The following SPG11 variants were observed in gnomAD, a reference collection of about 807,000 sequenced individuals.
The protein encoded by SPG11 is spatacsin.
A neutral mutation model predicts 274.0 loss-of-function variants in SPG11; 222 were observed. The observed-to-expected ratio is 0.81, with a 90% CI of 0.73 to 0.91. The LOEUF (loss-of-function observed/expected upper bound fraction) is 0.91. Among genes scored for constraint, SPG11 ranks in the 40% least tolerant of loss-of-function variants. The pLI, the probability that SPG11 is intolerant of heterozygous loss-of-function variation, is 0.00. For missense variants in SPG11, 3,114 were observed against 2,872.7 expected, an observed-to-expected ratio of 1.08 and a Z score of -1.92; for synonymous variants, 1,144 against 1,039.7, an observed-to-expected ratio of 1.10 and a Z score of -1.93.
rs537060373 is a variant in SPG11, at chr15:44,641,632, C to A, written c.1602+7234G>T. On this transcript the variant is annotated intron_variant, in intron 7 of 39. Coordinates refer to ENST00000261866, the MANE Select transcript of SPG11 (RefSeq NM_025137.4). ...ACACACACACACACACACACACACA[C>A]AAAACCTTAATCAGGGAAATGCAAA... Among the ~76,000 whole-genome samples, 36 of 146,644 alleles carry A rather than the reference C, an allele frequency of 2.5e-4. No individual in the cohort carries two copies. In the South Asian group the frequency reaches 3.3e-3, roughly 13 times the overall value.
intron 20 of SPG11, among the ~76,000 whole-genome samples, chr15:44,605,491 AAC>A (rs1188338010): frequency 6.6e-6 from 1 of 152,226 alleles, no homozygotes; most frequent in Non-Finnish European, 1.5e-5. Flanking sequence ...AAATAGAAAA[AAC>A]AGTTTAAGAA....
At chr15:44,591,960 C>T (rs1201009300) in intron 27 of SPG11, among the ~76,000 whole-genome samples, 2 of 151,770 alleles carry the variant, frequency 1.3e-5, no homozygotes, top group South Asian at 2.1e-4. Context: ...AAATACAAAA[C>T]GTTAGCTGGG....
At chr15:44,595,913 TG>T in intron 25 of SPG11, 169 bp downstream of exon 25, 1 of 854,188 alleles carries the variant, frequency 1.2e-6, no homozygotes, top group Non-Finnish European at 1.9e-6. Flanking sequence ...GTACACCAAA[TG>T]GCCCAGAGCC....
intron 3 of SPG11, among the ~76,000 whole-genome samples, chr15:44,658,680 C>T (rs958841818): frequency 1.3e-5 from 2 of 151,986 alleles, no homozygotes; most frequent in East Asian, 1.9e-4. Context: ...AGGCTGGTCT[C>T]GAACTCCTGA....
At chr15:44,639,394 T>A (rs1251136747) in intron 7 of SPG11, among the ~76,000 whole-genome samples, 1 of 151,882 alleles carries the variant, frequency 6.6e-6, no homozygotes, top group Non-Finnish European at 1.5e-5. Context: ...CTAGAGACCC[T>A]AGTACCCCAA....
At position 44,663,584 on chromosome 15, in the gene SPG11, T is replaced by A. The variant is rs34255962; in HGVS notation, c.64A>T (p.Met22Leu). Reference sequence around the variant, plus strand: ...AACAGCATCGGTAGAACCCGCCCCATGGCCGCGGTGCCCCAGCTACCGCCG... The same window carrying A: ...AACAGCATCGGTAGAACCCGCCCCAAGGCCGCGGTGCCCCAGCTACCGCCG... ...SAGGSWGTAAMGRVLPMLLVP... is the reference protein window; with the variant it reads ...SAGGSWGTAALGRVLPMLLVP... Residue 22 changes from methionine to leucine, a missense_variant, in exon 1 of 40, where the codon ATG (methionine) becomes TTG (leucine). Coordinates refer to ENST00000261866, the MANE Select transcript of SPG11 (RefSeq NM_025137.4). The A allele has an allele frequency of 1.3e-6, 2 of 1,596,662 alleles. No homozygotes were observed. Among genetic ancestry groups the A allele is most frequent in the Admixed American group, 3.4e-5 (2 of 58,518 alleles).
At chr15:44,610,315 A>G (rs1441130011) in intron 18 of SPG11, among the ~76,000 whole-genome samples, 1 of 152,018 alleles carries the variant, frequency 6.6e-6, no homozygotes, top group East Asian at 1.9e-4. Flanking sequence ...GGCCTCTCAA[A>G]AGGGCTGGAA....
chr15:44,608,057 C>G (rs992944408), intron 19 of SPG11, among the ~76,000 whole-genome samples: 1 of 152,102 alleles, frequency 6.6e-6, no homozygotes, highest in Non-Finnish European at 1.5e-5. Flanking sequence ...CTGTGGGAGA[C>G]TAAAGATGGG....
chr15:44,621,870 C>T lies in SPG11; in HGVS notation c.2509G>A (p.Asp837Asn), dbSNP rs762708084. The T allele has an allele frequency of 1.2e-6, 2 of 1,613,780 alleles. No individual in the cohort carries two copies. The highest frequency in any genetic ancestry group is 2.2e-5 in the South Asian group (2 of 91,070). The change falls in exon 14 of 40, where the codon GAT becomes AAT. Residue 837 changes from aspartate (D) to asparagine (N), a missense_variant. Transcript: ENST00000261866. ...KSVLDSFLKY[D>N]CKDEFNKQDH... ...TGTTTGTTAAATTCATCTTTACAAT[C>T]ATATTTCAGGAATGAGTCCAAAACA...
At position 44,622,298 on chromosome 15, in the gene SPG11, G is replaced by C. The variant is rs1567169927; in HGVS notation, c.2366C>G (p.Thr789Ser). ...KNYFSEKEKR[T>S]IDFVHQVEKL... ...CTCAACTTGATGCACGAAGTCTATA[G>C]TTCTTTTCTCTTTTTCAGAAAAATA... is the stretch of plus-strand genomic sequence containing the variant. Residue 789 changes from threonine (T) to serine (S), a missense_variant, in exon 13 of 40, where the codon ACT becomes AGT. Coordinates refer to ENST00000261866, the MANE Select transcript of SPG11 (RefSeq NM_025137.4). 2 of 1,577,568 alleles carry C rather than the reference G, an allele frequency of 1.3e-6. No individual in the cohort carries two copies. The highest frequency in any genetic ancestry group is 1.4e-5 in the African/African-American group (1 of 73,812).
intron 15 of SPG11, among the ~76,000 whole-genome samples, chr15:44,619,559 C>T (rs1211346503): frequency 6.6e-6 from 1 of 152,130 alleles, no homozygotes; most frequent in Non-Finnish European, 1.5e-5. Context: ...GCACAGGAGA[C>T]AGGATACTAA....
In SPG11 at chr15:44,628,836, C is replaced by A; in HGVS notation, c.1900G>T (p.Glu634Ter). Residue 634 changes from glutamate (E) to a stop codon, truncating the protein, a stop_gained, in exon 10 of 40, where the codon GAA becomes TAA. Transcript: ENST00000261866. LOFTEE classifies it high-confidence loss of function. ...ELFIHTEELD[E>*]HLQKGVNILT... The stretch of plus-strand genomic sequence containing the variant: ...ATGTTCACTCCTTTTTGCAGATGTT[C>A]ATCTAGTTCTATGGAAAATACCAAT... 1 of 1,612,894 alleles carries A rather than the reference C, an allele frequency of 6.2e-7. No individual in the cohort carries two copies. The highest frequency in any genetic ancestry group is 1.1e-5 in the South Asian group (1 of 91,050).
Position 44,657,124 on chromosome 15 carries a change from T to A in SPG11, c.840A>T (p.Ala280=). The A allele has an allele frequency of 6.2e-7, 1 of 1,614,120 alleles. No individual in the cohort carries two copies. Among genetic ancestry groups the A allele is most frequent in the Non-Finnish European group, 8.5e-7 (1 of 1,180,016 alleles). The change falls in exon 4 of 40, where the codon GCA becomes GCT. Residue 280 remains alanine, a synonymous_variant. Transcript: ENST00000261866. ...VAVIVSSSNS[A]VALNLNLYFR... ...AATACAAATTTAAGTTAAGAGCAAC[T>A]GCGGAGTTGGAGGAGCTGACAATCA... is the stretch of plus-strand genomic sequence containing the variant.
intron 20 of SPG11, among the ~76,000 whole-genome samples, chr15:44,601,264 TTTA>T (rs910337089): frequency 4.6e-5 from 7 of 152,186 alleles, no homozygotes; most frequent in African/African-American, 1.4e-4. Context: ...TAATTGATTT[TTTA>T]TTTTTTTTTT....
At chr15:44,607,605 A>G (rs2083355126) in intron 19 of SPG11, among the ~76,000 whole-genome samples, 1 of 152,156 alleles carries the variant, frequency 6.6e-6, no homozygotes, top group Admixed American at 6.5e-5. Flanking sequence ...TGAGTTGAAG[A>G]TACTATGAGA....
intron 18 of SPG11, 58 bp from the exon 19 acceptor site, chr15:44,608,663 C>CT: frequency 6.5e-7 from 1 of 1,545,044 alleles, no homozygotes; most frequent in Non-Finnish European, 8.8e-7. Flanking sequence ...CTCAAAGTTT[C>CT]TTTTTTTCAC....
At position 44,566,261 on chromosome 15, in the gene SPG11, TCAGCAG is replaced by T; in HGVS notation, c.6793_6798del (p.Leu2265_Leu2266del). 6.2e-7 allele frequency: 1 copy of T among 1,614,194 alleles called. No homozygotes were observed. The highest frequency in any genetic ancestry group is 8.5e-7 in the Non-Finnish European group (1 of 1,180,024). On this transcript the variant is annotated inframe_deletion, in exon 37 of 40. Transcript: ENST00000261866. ...GCATCCAACATCAGAGTCAGGGCCT[TCAGCAG>T]CAGTTGTTTCAGCTGGTGCCCATCC...
chr15:44,611,003 G>C lies in SPG11; in HGVS notation c.3146-18C>G. The C allele has an allele frequency of 6.6e-7, 1 of 1,513,876 alleles. No individual in the cohort carries two copies. Among genetic ancestry groups the C allele is most frequent in the Non-Finnish European group, 8.9e-7 (1 of 1,119,240 alleles). The allele number at this position is 1,513,876 out of a possible 1,614,324, so 93.8% of individuals were successfully genotyped here. ...TTTGGGATCTGGAAAATAAAAGACA[G>C]TGTTTTTCTCCTTAAGAGGGATAAA... On this transcript the variant is annotated intron_variant, in intron 17 of 39. Coordinates refer to ENST00000261866, the MANE Select transcript of SPG11 (RefSeq NM_025137.4).
At chr15:44,582,987 C>A (rs919530406) in intron 30 of SPG11, among the ~76,000 whole-genome samples, 3 of 152,240 alleles carry the variant, frequency 2.0e-5, no homozygotes, top group Non-Finnish European at 4.4e-5. Flanking sequence ...CTCTCGCCAC[C>A]CCTATCCAAC....
Sources: gnomAD v4.1 joint callset for allele counts (sites outside exome capture counted in the v4.1 genomes callset) on GRCh38, gnomAD v4.1.1 for gene constraint, MANE v1.5 for transcripts, NCBI Gene and HGNC (gene_info 2026-07-23, HGNC 2026-07-21) for gene names.